Variants in GRID2 observed in about 807,000 individuals in gnomAD.
GRID2 encodes the protein glutamate ionotropic receptor delta type subunit 2.
Under a neutral mutation model 114.8 loss-of-function variants are expected in GRID2, and 33 were observed. That is an observed-to-expected ratio of 0.29 (90% CI 0.22 to 0.38). The LOEUF (loss-of-function observed/expected upper bound fraction) is 0.38. Ranked by LOEUF, GRID2 falls within the 10% of genes least tolerant of loss-of-function variation. The pLI, the probability that GRID2 is intolerant of heterozygous loss-of-function variation, is 1.00. For synonymous variants in GRID2, 505 were observed against 449.9 expected (o/e 1.12, Z -1.55); for missense variants, 1,184 against 1,257.7 (o/e 0.94, Z 0.89).
chr4:93,083,588 C>T (rs1172932100), intron 2 of GRID2, among the ~76,000 whole-genome samples: 2 of 150,156 alleles, frequency 1.3e-5, no homozygotes, highest in Admixed American at 6.7e-5. Flanking sequence ...CCCACCTACT[C>T]AGGAGGCTGA....
chr4:92,708,973 A>G (rs577577840), intron 2 of GRID2, among the ~76,000 whole-genome samples: 32 of 152,254 alleles, frequency 2.1e-4, no homozygotes, highest in Admixed American at 7.8e-4. Flanking sequence ...GCCCTCCAGG[A>G]TAGAATGTGA....
intron 2 of GRID2, among the ~76,000 whole-genome samples, chr4:92,957,624 C>T (rs765892912): frequency 6.6e-6 from 1 of 151,650 alleles, no homozygotes; most frequent in Admixed American, 6.6e-5. Flanking sequence ...TAACATTGTG[C>T]TAGCTATACT....
At chr4:92,961,449 A>G (rs2149155269) in intron 2 of GRID2, among the ~76,000 whole-genome samples, 1 of 151,230 alleles carries the variant, frequency 6.6e-6, no homozygotes, top group South Asian at 2.1e-4. Context: ...TTCACAGGTT[A>G]CAGAATTTTA....
At chr4:92,999,905 G>A (rs17020066) in intron 2 of GRID2, among the ~76,000 whole-genome samples, 3,932 of 151,408 alleles carry the variant, frequency 0.026, 98 homozygotes, top group African/African-American at 0.057. Context: ...AGCTAGATAC[G>A]AACTTTATTC....
At chr4:93,081,103 G>T (rs962895675) in intron 2 of GRID2, among the ~76,000 whole-genome samples, 3 of 148,006 alleles carry the variant, frequency 2.0e-5, no homozygotes, top group Non-Finnish European at 4.5e-5. Flanking sequence ...TCAACTTTGG[G>T]GGACACATTC....
At chr4:92,342,958 G>A (rs1727578130) in intron 1 of GRID2, among the ~76,000 whole-genome samples, 1 of 152,082 alleles carries the variant, frequency 6.6e-6, no homozygotes, top group Non-Finnish European at 1.5e-5. Context: ...GTGGCATAGT[G>A]TAATAGGCAT....
chr4:93,521,956 T>C (rs1268928968), intron 13 of GRID2, among the ~76,000 whole-genome samples: 1 of 152,100 alleles, frequency 6.6e-6, no homozygotes, highest in African/African-American at 2.4e-5. Flanking sequence ...ATGTCAGGTT[T>C]GGGGAAATTT....
At chr4:93,323,271 C>A (rs1197765920) in intron 8 of GRID2, among the ~76,000 whole-genome samples, 3 of 152,136 alleles carry the variant, frequency 2.0e-5, no homozygotes, top group Non-Finnish European at 4.4e-5. Context: ...ATATGGCTAG[C>A]CAGTTTTCCC....
intron 2 of GRID2, among the ~76,000 whole-genome samples, chr4:92,940,816 T>C (rs1283200787): frequency 2.0e-5 from 3 of 152,176 alleles, no homozygotes; most frequent in African/African-American, 7.2e-5. Context: ...TGTGCATCTA[T>C]TGAGATAATC....
intron 2 of GRID2, among the ~76,000 whole-genome samples, chr4:92,749,596 A>AT (rs958506691): frequency 2.6e-5 from 4 of 152,134 alleles, no homozygotes; most frequent in African/African-American, 9.6e-5. Flanking sequence ...TTTTTAAATG[A>AT]TTTTTTGTTT....
At chr4:93,606,729 C>T (rs1264924267) in intron 13 of GRID2, among the ~76,000 whole-genome samples, 3 of 152,068 alleles carry the variant, frequency 2.0e-5, no homozygotes, top group Admixed American at 2.0e-4. Context: ...GTGTCAATGG[C>T]CCTCCTGGCC....
intron 2 of GRID2, among the ~76,000 whole-genome samples, chr4:92,873,030 C>T (rs1238886147): frequency 6.6e-6 from 1 of 151,996 alleles, no homozygotes; most frequent in African/African-American, 2.4e-5. Context: ...TCCACAGATA[C>T]CAACAGAAAA....
intron 10 of GRID2, among the ~76,000 whole-genome samples, chr4:93,436,066 G>C (rs1426177055): frequency 1.3e-5 from 2 of 151,974 alleles, no homozygotes; most frequent in African/African-American, 4.8e-5. Context: ...AATTAATTAG[G>C]TGTCTTTGGT....
At chr4:93,623,533 C>T (rs991995249) in intron 13 of GRID2, among the ~76,000 whole-genome samples, 1 of 152,224 alleles carries the variant, frequency 6.6e-6, no homozygotes, top group East Asian at 1.9e-4. Flanking sequence ...GACACATGCA[C>T]CTGTATGTTT....
chr4:93,720,893 C>T (rs565141148), intron 14 of GRID2, among the ~76,000 whole-genome samples: 4 of 152,190 alleles, frequency 2.6e-5, no homozygotes, highest in South Asian at 2.1e-4. Flanking sequence ...ACAACATATT[C>T]GTTGTTGTTG....
chr4:93,800,224 T>G (rs1287266730), intron 1 of GRID2, among the ~76,000 whole-genome samples: 1 of 152,218 alleles, frequency 6.6e-6, no homozygotes. Context: ...CACGATGTAG[T>G]GTGATAGCAG....
intron 8 of GRID2, among the ~76,000 whole-genome samples, chr4:93,359,532 T>C (rs1028139063): frequency 6.6e-6 from 1 of 151,578 alleles, no homozygotes; most frequent in Non-Finnish European, 1.5e-5. Flanking sequence ...TTCATTTTTT[T>C]CTGTAGCCAT....
intron 2 of GRID2, among the ~76,000 whole-genome samples, chr4:92,848,790 C>G (rs761208647): frequency 7.9e-4 from 120 of 151,846 alleles, no homozygotes; most frequent in Non-Finnish European, 1.5e-3. Flanking sequence ...TAGGCCTAAT[C>G]TAATCTGACT....
rs1216156586 is a variant in GRID2, at chr4:93,455,894, C to A, written c.1778C>A (p.Pro593Gln). ...LVYLLNWLNP[P>Q]RLQMGSMTST... ...TACCTCTTGAACTGGCTTAATCCCC[C>A]ACGATTACAAATGGGATCAATGACG... The change falls in exon 11 of 16, where the codon CCA becomes CAA. Residue 593 changes from proline to glutamine, a missense_variant. Physicochemically the swap from Pro to Gln is moderately conservative, Grantham distance 76. This residue lies in a region of GRID2 where 717 missense variants were observed against 796.9 expected (regional missense o/e 0.90). Transcript: ENST00000282020. The A allele has an allele frequency of 6.2e-7, 1 of 1,610,582 alleles. No homozygotes were observed. Among genetic ancestry groups the A allele is most frequent in the African/African-American group, 1.3e-5 (1 of 74,840 alleles).
Sources: allele counts gnomAD v4.1 joint callset (sites outside exome capture counted in the v4.1 genomes callset), GRCh38; gene constraint gnomAD v4.1.1; regional missense constraint gnomAD v4.1.1; transcripts MANE v1.5; gene names NCBI Gene and HGNC (gene_info 2026-07-23, HGNC 2026-07-21).